The following UCHL5 variants were observed in gnomAD, a reference collection of about 807,000 sequenced individuals.
The protein encoded by UCHL5 is ubiquitin C-terminal hydrolase L5, also known as ubiquitin carboxyl-terminal hydrolase isozyme L5.
UCHL5 carries 34 observed loss-of-function variants against 53.8 expected under a neutral mutation model. The ratio of observed to expected loss-of-function variants is 0.63; its 90% CI spans 0.48 to 0.84. The LOEUF is 0.84. UCHL5 is among the 40% of genes least tolerant of loss of function. The pLI, the probability that UCHL5 is intolerant of heterozygous loss-of-function variation, is 0.00. For missense variants in UCHL5, 290 were observed against 385.6 expected, an observed-to-expected ratio of 0.75 and a Z score of 2.08; for synonymous variants, 111 against 126.3, an observed-to-expected ratio of 0.88 and a Z score of 0.81.
At position 193,015,912 on chromosome 1, in the gene UCHL5, T is replaced by C. The variant is rs1654826639; in HGVS notation, c.*439A>G. On this transcript the variant is annotated 3_prime_UTR_variant, in exon 11 of 11. Coordinates refer to ENST00000367454, the MANE Select transcript of UCHL5 (RefSeq NM_001199261.3). ...CAGATAAAATTCAGTTTTAAAATCC[T>C]CAAAACACTTAGATATCAAAGATAG... 6.4e-6 allele frequency: 1 copy of C among 155,848 alleles called. No homozygotes were observed. Among genetic ancestry groups the C allele is most frequent in the Non-Finnish European group, 1.4e-5 (1 of 70,586 alleles). The allele number at this position is 155,848 out of a possible 1,614,324, so 9.7% of individuals were successfully genotyped here. A position where few individuals can be genotyped will look rare whatever the true frequency, so the allele number is the denominator to read the frequency against.
chr1:193,042,579 A>G lies in UCHL5; in HGVS notation c.246+7167T>C, dbSNP rs185919498. Among the ~76,000 whole-genome samples, 33 of 152,262 alleles carry G rather than the reference A, an allele frequency of 2.2e-4. No homozygotes were observed. In the East Asian group the frequency reaches 3.1e-3, roughly 14 times the overall value. ...TGGTAATACTTTATCTCTAAATTCT[A>G]TTCACATCTGTCTTTACTTCCAGTT... On this transcript the variant is annotated intron_variant, in intron 3 of 10. Transcript: ENST00000367454.
At chr1:193,058,704 A>C (rs2887640) in intron 1 of UCHL5, among the ~76,000 whole-genome samples, 5,947 of 152,340 alleles carry the variant, frequency 0.039, 115 homozygotes, top group Non-Finnish European at 0.045. Context: ...TCTGCTTTGA[A>C]TAACCAGAAT....
chr1:193,020,496 C>T, intron 10 of UCHL5: 5 of 1,447,086 alleles, frequency 3.5e-6, no homozygotes, highest in Non-Finnish European at 4.6e-6. Context: ...AAAGAGTATC[C>T]ACTGATGTTC....
chr1:193,037,307 T>C (rs185402982), intron 3 of UCHL5, among the ~76,000 whole-genome samples: 2 of 151,822 alleles, frequency 1.3e-5, no homozygotes, highest in Admixed American at 1.3e-4. Flanking sequence ...AAAGGACACA[T>C]AACATCTGAA....
upstream of UCHL5, chr1:193,059,841 A>C (rs755554695): frequency 7.6e-5 from 104 of 1,361,386 alleles, no homozygotes; most frequent in Non-Finnish European, 1.5e-5. This position sits in a 1 kb window ranked among gnomAD's most constrained non-coding sequence, Gnocchi z 4.9. Context: ...GCAAATTCTG[A>C]CCAGTCCTCC....
At chr1:193,056,346 T>C (rs1670617676) in intron 1 of UCHL5, among the ~76,000 whole-genome samples, 1 of 152,176 alleles carries the variant, frequency 6.6e-6, no homozygotes, top group South Asian at 2.1e-4. Context: ...TTTTTTCTCT[T>C]TTCTGTTCCA....
chr1:193,022,914 T>C lies in UCHL5; in HGVS notation c.843+12A>G. The C allele has an allele frequency of 6.3e-7, 1 of 1,580,874 alleles. No homozygotes were observed. The highest frequency in any genetic ancestry group is 8.7e-7 in the Non-Finnish European group (1 of 1,151,494). Reference sequence around the variant, plus strand: ...ATTAAAACATTAAAGGAACACATTTTTAAAAACATACCTTGTATCTTTTTA... The same window carrying C: ...ATTAAAACATTAAAGGAACACATTTCTAAAAACATACCTTGTATCTTTTTA... On this transcript the variant is annotated intron_variant, in intron 9 of 10. Transcript: ENST00000367454.
chr1:193,028,010 A>G, intron 7 of UCHL5, 75 bp downstream of exon 7: 2 of 1,577,454 alleles, frequency 1.3e-6, no homozygotes, highest in Admixed American at 2.1e-5. Context: ...CACTGCTAAA[A>G]TAACAATAAA....
intron 3 of UCHL5, among the ~76,000 whole-genome samples, chr1:193,033,630 T>C (rs1243913928): frequency 1.3e-5 from 2 of 151,796 alleles, no homozygotes; most frequent in Admixed American, 6.6e-5. Context: ...GGAAAAAGGT[T>C]GAGAATGTAA....
At chr1:193,036,854 T>C (rs1020498081) in intron 3 of UCHL5, among the ~76,000 whole-genome samples, 2 of 151,908 alleles carry the variant, frequency 1.3e-5, no homozygotes, top group Non-Finnish European at 2.9e-5. Context: ...AATAGAAACC[T>C]TGGAAACTAC....
intron 3 of UCHL5, among the ~76,000 whole-genome samples, chr1:193,039,649 C>T (rs892965722): frequency 2.0e-5 from 3 of 151,980 alleles, no homozygotes; most frequent in African/African-American, 2.4e-5. Context: ...AAAAGCAATC[C>T]CAAAATTTAT....
At chr1:193,019,603 T>G (rs1206492145) in intron 10 of UCHL5, among the ~76,000 whole-genome samples, 1 of 151,820 alleles carries the variant, frequency 6.6e-6, no homozygotes, top group South Asian at 2.1e-4. Context: ...ACAACAGAGT[T>G]GGTGTTCCAC....
chr1:193,027,224 C>A (rs1233252918), intron 7 of UCHL5, among the ~76,000 whole-genome samples: 1 of 151,966 alleles, frequency 6.6e-6, no homozygotes, highest in Non-Finnish European at 1.5e-5. Flanking sequence ...GATGTTGCCA[C>A]TGAAAGATAA....
At chr1:193,041,727 A>C (rs1256577174) in intron 3 of UCHL5, among the ~76,000 whole-genome samples, 5 of 152,232 alleles carry the variant, frequency 3.3e-5, no homozygotes, top group Admixed American at 6.5e-5. Flanking sequence ...ACAGAAGATT[A>C]AGTAAACTGT....
chr1:193,038,806 T>C (rs961053698), intron 3 of UCHL5, among the ~76,000 whole-genome samples: 1 of 149,828 alleles, frequency 6.7e-6, no homozygotes, highest in African/African-American at 2.5e-5. Context: ...GACCAGCTGG[T>C]CAACATAATG....
Position 193,018,740 on chromosome 1 carries a change from A to G in UCHL5, c.943-2345T>C, listed in dbSNP as rs1655778072. 2.1e-5 allele frequency: 31 copies of G among 1,482,954 alleles called. 1 individual carries two copies. In the South Asian group the frequency reaches 4.1e-4, roughly 20 times the overall value. The allele number at this position is 1,482,954 out of a possible 1,614,324, so 91.9% of individuals were successfully genotyped here. A position where few individuals can be genotyped will look rare whatever the true frequency, so the allele number is the denominator to read the frequency against. On this transcript the variant is annotated intron_variant, in intron 10 of 10. Transcript: ENST00000367454. ...ATCCTGTAGAATCTCAGCATATAGT[A>G]GCACTGCATGGTGCAGCCATATCTT...
chr1:193,033,307 C>T (rs1205281823), intron 3 of UCHL5, among the ~76,000 whole-genome samples: 3 of 152,012 alleles, frequency 2.0e-5, no homozygotes, highest in African/African-American at 4.8e-5. Context: ...TGTTCTCACT[C>T]GTAAGCGGGA....
intron 3 of UCHL5, among the ~76,000 whole-genome samples, chr1:193,048,263 T>TTTG (rs1174467344): frequency 6.6e-6 from 1 of 152,180 alleles, no homozygotes; most frequent in South Asian, 2.1e-4. Flanking sequence ...CCTAATAATA[T>TTTG]TTGTTGTTGT....
At chr1:193,016,724 A>G (rs1655009571) in intron 10 of UCHL5, among the ~76,000 whole-genome samples, 1 of 151,764 alleles carries the variant, frequency 6.6e-6, no homozygotes, top group Non-Finnish European at 1.5e-5. Context: ...ATATATACAC[A>G]TATTTGCCCA....
Sources: gnomAD v4.1 joint callset for allele counts (sites outside exome capture counted in the v4.1 genomes callset) on GRCh38, gnomAD v4.1.1 for gene constraint, Gnocchi (gnomAD v3.1) non-coding constraint, MANE v1.5 for transcripts, NCBI Gene and HGNC (gene_info 2026-07-23, HGNC 2026-07-21) for gene names.